Variants in B4GALT6 observed in about 807,000 individuals in gnomAD.
B4GALT6 encodes UDP-Gal:beta-GlcNAc beta-1,4-galactosyltransferase 6.
B4GALT6 carries 14 observed loss-of-function variants against 46.3 expected under a neutral mutation model. That is an observed-to-expected ratio of 0.30 (90% CI 0.20 to 0.47). The LOEUF (loss-of-function observed/expected upper bound fraction) is 0.47. Ranked by LOEUF, B4GALT6 falls within the 20% of genes least tolerant of loss-of-function variation. B4GALT6 has a pLI of 0.99. For synonymous variants in B4GALT6, 168 were observed against 162.0 expected, an observed-to-expected ratio of 1.04 and a Z score of -0.28; for missense variants, 386 against 480.1, an observed-to-expected ratio of 0.80 and a Z score of 1.83.
At chr18:31,631,257 T>C in intron 5 of B4GALT6, 111 bp from the exon 6 acceptor site, 1 of 1,126,506 alleles carries the variant, frequency 8.9e-7, no homozygotes, top group Middle Eastern at 3.1e-4. Context: ...TTTCACCATG[T>C]TGGCCAGGCT....
chr18:31,629,447 A>ATT (rs869030382), intron 6 of B4GALT6, among the ~76,000 whole-genome samples: 575 of 32,874 alleles, frequency 0.017, 202 homozygotes, highest in Non-Finnish European at 0.024. Context: ...GCCCTTTATG[A>ATT]TTTTTTTTTT....
At chr18:31,657,631 A>G (rs1200969543) in intron 3 of B4GALT6, among the ~76,000 whole-genome samples, 1 of 152,110 alleles carries the variant, frequency 6.6e-6, no homozygotes, top group Admixed American at 6.6e-5. Flanking sequence ...ACATTATAAC[A>G]TATTCAAAAG....
At chr18:31,658,113 C>CAAA (rs67738912) in intron 2 of B4GALT6, 24 bp from the exon 3 acceptor site, 105 of 1,247,910 alleles carry the variant, frequency 8.4e-5, no homozygotes, top group African/African-American at 2.1e-4. Flanking sequence ...AAAAGAGTTA[C>CAAA]AAAAAAAAAA....
intron 1 of B4GALT6, among the ~76,000 whole-genome samples, chr18:31,666,662 T>C (rs1183752966): frequency 2.0e-5 from 3 of 152,222 alleles, no homozygotes; most frequent in African/African-American, 7.2e-5. Context: ...TGTGATTTTC[T>C]ACTATAAAAT....
In B4GALT6 at chr18:31,658,058, A is replaced by G; in HGVS notation, c.264T>C (p.Tyr88=). ...GGAGATACGTTGTTGTTTGAACAAG[A>G]TAATCACTTGAATTATTGCCTTCGG... ...DYPEGNNSSD[Y]LVQTTTYLPE... The change falls in exon 3 of 9, where the codon TAT becomes TAC. Residue 88 remains tyrosine (Y), a synonymous_variant. Coordinates refer to ENST00000306851, the MANE Select transcript of B4GALT6 (RefSeq NM_004775.5). The G allele has an allele frequency of 6.2e-7, 1 of 1,613,540 alleles. No homozygotes were observed. The highest frequency in any genetic ancestry group is 1.1e-5 in the South Asian group (1 of 91,022).
chr18:31,695,850 C>G, the B4GALT6 span, among the ~76,000 whole-genome samples: 1 of 152,176 alleles, frequency 6.6e-6, no homozygotes, highest in Non-Finnish European at 1.5e-5. Flanking sequence ...AGGTACACTC[C>G]CTGGCCCATA....
chr18:31,630,569 C>A (rs1187932005), intron 6 of B4GALT6, among the ~76,000 whole-genome samples: 2 of 152,118 alleles, frequency 1.3e-5, no homozygotes, highest in Non-Finnish European at 2.9e-5. Flanking sequence ...ACACAGCAGG[C>A]ACAGAGCACA....
chr18:31,645,349 C>T lies in B4GALT6; in HGVS notation c.471+6G>A, dbSNP rs2073978898. 1.2e-6 allele frequency: 2 copies of T among 1,612,956 alleles called. No individual in the cohort carries two copies. Among genetic ancestry groups the T allele is most frequent in the Non-Finnish European group, 1.7e-6 (2 of 1,179,748 alleles). ...TCAAATTGCTTATGAAAAGAATTTA[C>T]CTCACCTTCCATCTGGGTTTACAGT... On this transcript the variant is annotated splice_donor_region_variant and intron_variant, in intron 4 of 8. Coordinates refer to ENST00000306851, the MANE Select transcript of B4GALT6 (RefSeq NM_004775.5).
Position 31,666,346 on chromosome 18 carries a change from C to G in B4GALT6, c.142G>C (p.Ala48Pro), listed in dbSNP as rs750092987. The G allele has an allele frequency of 1.9e-6, 3 of 1,605,442 alleles. No homozygotes were observed. The highest frequency in any genetic ancestry group is 2.6e-6 in the Non-Finnish European group (3 of 1,174,496). Residue 48 changes from alanine (A) to proline (P), a missense_variant, in exon 2 of 9, where the codon GCT becomes CCT. Ala to Pro is a conservative substitution (Grantham distance 27). Around this residue, in one of 2 missense-constraint regions of B4GALT6, gnomAD observed 323 missense variants for 438.9 expected, o/e 0.74. Transcript: ENST00000306851. Reference protein sequence around the residue: ...IANTYLFMVQARGIMLRENVK... With the variant: ...IANTYLFMVQPRGIMLRENVK... ...TTTTCTCTCAACATTATACCTCGAG[C>G]TTGTACCATAAAGAGATATGTGTTG...
chr18:31,626,910 G>C (rs2144479365), intron 7 of B4GALT6, 89 bp downstream of exon 7: 7 of 1,125,500 alleles, frequency 6.2e-6, no homozygotes, highest in Non-Finnish European at 3.8e-6. Flanking sequence ...CCCAAAGAAT[G>C]TTCTTGGAAT....
intron 3 of B4GALT6, among the ~76,000 whole-genome samples, chr18:31,649,169 C>T (rs993975843): frequency 6.6e-6 from 1 of 152,200 alleles, no homozygotes; most frequent in African/African-American, 2.4e-5. Context: ...ACCTCCTGTC[C>T]TTTCTGAAGC....
chr18:31,631,988 T>A (rs1218824096), intron 5 of B4GALT6, among the ~76,000 whole-genome samples: 1 of 152,120 alleles, frequency 6.6e-6, no homozygotes, highest in African/African-American at 2.4e-5. Flanking sequence ...CTCCCTATAT[T>A]ATAACCATTT....
At chr18:31,649,577 A>G (rs2074037091) in intron 3 of B4GALT6, among the ~76,000 whole-genome samples, 1 of 44,356 alleles carries the variant, frequency 2.3e-5, no homozygotes, top group Non-Finnish European at 4.1e-5. Flanking sequence ...AAAATGAGCA[A>G]AAAAAAAAAA....
the B4GALT6 span, among the ~76,000 whole-genome samples, chr18:31,695,292 A>T: frequency 1.6e-3 from 72 of 44,172 alleles, 1 homozygote; most frequent in South Asian, 0.082. Context: ...CCCTGAAATT[A>T]AAAAAAAAAA....
At chr18:31,700,466 T>A in the B4GALT6 span, among the ~76,000 whole-genome samples, 11,479 of 133,008 alleles carry the variant, frequency 0.086, 810 homozygotes, top group African/African-American at 0.21. Flanking sequence ...TGTGTGTGTG[T>A]GTGAGAGAGA....
At chr18:31,710,285 T>G in the B4GALT6 span, among the ~76,000 whole-genome samples, 1 of 152,070 alleles carries the variant, frequency 6.6e-6, no homozygotes, top group Admixed American at 6.6e-5. Flanking sequence ...TTGATATAAA[T>G]AAGAAATTCA....
At chr18:31,673,090 G>A (rs1429894515) in intron 1 of B4GALT6, among the ~76,000 whole-genome samples, 2 of 152,080 alleles carry the variant, frequency 1.3e-5, no homozygotes. Context: ...TAGAAGAAAG[G>A]GTGAATAATT....
Position 31,638,670 on chromosome 18 carries a change from C to A in B4GALT6, c.562G>T (p.Glu188Ter). 1 of 1,613,986 alleles carries A rather than the reference C, an allele frequency of 6.2e-7. No individual in the cohort carries two copies. Residue 188 changes from glutamate (E) to a stop codon, truncating the protein, a stop_gained, in exon 5 of 9, where the codon GAA becomes TAA. Transcript: ENST00000306851. LOFTEE classifies it high-confidence loss of function. Reference protein sequence around the residue: ...LIPMLQKQRLEFAFYVIEQTG... With the variant: ...LIPMLQKQRL ...TGTTCAATGACATAAAACGCAAATT[C>A]CAGCCGCTGCTTCTGGAGCATTGGA...
intron 5 of B4GALT6, among the ~76,000 whole-genome samples, chr18:31,638,189 GA>G (rs1202932051): frequency 6.6e-6 from 1 of 152,048 alleles, no homozygotes; most frequent in Non-Finnish European, 1.5e-5. Context: ...TATTATAAAA[GA>G]AATATATGGG....
Sources: gnomAD v4.1 joint callset for allele counts (sites outside exome capture counted in the v4.1 genomes callset) on GRCh38, gnomAD v4.1.1 for gene constraint, gnomAD v4.1.1 regional missense constraint, MANE v1.5 for transcripts, NCBI Gene and HGNC (gene_info 2026-07-23, HGNC 2026-07-21) for gene names.